SOBP: variants seen among roughly 807,000 people sequenced by gnomAD.
The protein encoded by SOBP is sine oculis-binding protein homolog.
In SOBP, 4 loss-of-function variants were observed where a neutral mutation model predicts 53.6. The ratio of observed to expected loss-of-function variants is 0.07; its 90% confidence interval spans 0.04 to 0.17. SOBP has a LOEUF of 0.17. SOBP is among the 10% of genes least tolerant of loss of function. SOBP has a pLI of 1.00. For missense variants in SOBP, 1,088 were observed against 1,204.7 expected (o/e 0.90, Z 1.43); for synonymous variants, 584 against 522.6 (o/e 1.12, Z -1.60).
chr6:107,564,028 T>C (rs1784847150), intron 4 of SOBP, among the ~76,000 whole-genome samples: 1 of 152,204 alleles, frequency 6.6e-6, no homozygotes, highest in East Asian at 1.9e-4. Context: ...CTAAGTTTCC[T>C]TCAAATCCTG....
At chr6:107,515,960 A>G (rs1157738794) in intron 3 of SOBP, among the ~76,000 whole-genome samples, 1 of 152,140 alleles carries the variant, frequency 6.6e-6, no homozygotes, top group Non-Finnish European at 1.5e-5. Flanking sequence ...GTTAAAGTAA[A>G]ACCATTAACA....
At chr6:107,584,970 A>G (rs1785521380) in intron 4 of SOBP, among the ~76,000 whole-genome samples, 1 of 152,242 alleles carries the variant, frequency 6.6e-6, no homozygotes, top group Non-Finnish European at 1.5e-5. Flanking sequence ...TTTATATACA[A>G]GATACATATA....
chr6:107,586,305 G>C (rs1785565085), intron 4 of SOBP, among the ~76,000 whole-genome samples: 1 of 152,186 alleles, frequency 6.6e-6, no homozygotes, highest in African/African-American at 2.4e-5. Flanking sequence ...CAAATGAATG[G>C]TTTAATGAGT....
At chr6:107,618,858 C>A (rs915282750) in intron 5 of SOBP, among the ~76,000 whole-genome samples, 1 of 152,162 alleles carries the variant, frequency 6.6e-6, no homozygotes, top group Non-Finnish European at 1.5e-5. Context: ...GGCTTGTGGG[C>A]TGCGTAGGGT....
At chr6:107,500,315 G>A (rs376709301) in intron 1 of SOBP, among the ~76,000 whole-genome samples, 1 of 151,244 alleles carries the variant, frequency 6.6e-6, no homozygotes. Context: ...CGGAGGTGGA[G>A]GTTGCAGTGA....
intron 6 of SOBP, among the ~76,000 whole-genome samples, chr6:107,638,195 T>TTTTTTTTA (rs1554191576): frequency 6.6e-6 from 1 of 150,938 alleles, no homozygotes; most frequent in African/African-American, 2.4e-5. Flanking sequence ...TCCTGGTTTG[T>TTTTTTTTA]TTTATTTATT....
rs11317552 is a variant in SOBP, at chr6:107,649,667, T to TAA, written c.*4-8527_*4-8526dup. On this transcript the variant is annotated intron_variant, in intron 6 of 6. Transcript: ENST00000317357. ...GAGCCATCTGCTATAGTGTGTTTGT[T>TAA]AAAAAAAAAAAAAAGAAGAAGAAAG... Among the ~76,000 whole-genome samples the TAA allele has an allele frequency of 2.2e-4, 30 of 139,206 alleles. 1 individual carries two copies. Among genetic ancestry groups the TAA allele is most frequent in the Middle Eastern group, 7.1e-3 (2 of 282 alleles). The allele number at this position is 139,206 out of a possible 152,430, so 91.3% of individuals were successfully genotyped here. A position where few individuals can be genotyped will look rare whatever the true frequency, so the allele number is the denominator to read the frequency against.
chr6:107,547,536 T>C (rs1226734364), intron 4 of SOBP, among the ~76,000 whole-genome samples: 1 of 152,212 alleles, frequency 6.6e-6, no homozygotes, highest in Non-Finnish European at 1.5e-5. Context: ...GTTTTTATTA[T>C]ACTGCAGGCT....
At chr6:107,556,404 C>G (rs1482744844) in intron 4 of SOBP, among the ~76,000 whole-genome samples, 5 of 152,208 alleles carry the variant, frequency 3.3e-5, no homozygotes, top group Admixed American at 3.3e-4. Context: ...CTTCTGTGCA[C>G]ACACACAAAT....
At chr6:107,602,921 A>G (rs1035207716) in intron 5 of SOBP, among the ~76,000 whole-genome samples, 3 of 151,954 alleles carry the variant, frequency 2.0e-5, no homozygotes, top group Non-Finnish European at 2.9e-5. Context: ...CTTCTTCACA[A>G]TATTCTTCTG....
chr6:107,628,860 A>G (rs1770578724), intron 5 of SOBP, among the ~76,000 whole-genome samples: 1 of 152,172 alleles, frequency 6.6e-6, no homozygotes, highest in African/African-American at 2.4e-5. Context: ...GCTGGGAGCA[A>G]GTGCTCAGGT....
At position 107,660,532 on chromosome 6, in the gene SOBP, G is replaced by C. The variant is rs1772252771; in HGVS notation, c.*2329G>C. On this transcript the variant is annotated 3_prime_UTR_variant, in exon 7 of 7. Coordinates refer to ENST00000317357, the MANE Select transcript of SOBP (RefSeq NM_018013.4). ...GAGGTTCAAGAAGCACCATCAAATG[G>C]AGGCAAACATGCTCCACGGGTTCCA... 6.6e-6 allele frequency among the ~76,000 whole-genome samples: 1 copy of C among 152,150 alleles called. No homozygotes were observed. Among genetic ancestry groups the C allele is most frequent in the South Asian group, 2.1e-4 (1 of 4,828 alleles).
At chr6:107,593,820 C>T (rs1785846277) in intron 5 of SOBP, among the ~76,000 whole-genome samples, 1 of 152,152 alleles carries the variant, frequency 6.6e-6, no homozygotes, top group Non-Finnish European at 1.5e-5. Flanking sequence ...CTTTATTCTT[C>T]AACTTGAGTC....
intron 6 of SOBP, among the ~76,000 whole-genome samples, chr6:107,656,093 T>C (rs1212404772): frequency 6.6e-6 from 1 of 152,118 alleles, no homozygotes; most frequent in Non-Finnish European, 1.5e-5. Flanking sequence ...CTTCCCTCCC[T>C]CCATAGCAAC....
intron 3 of SOBP, among the ~76,000 whole-genome samples, chr6:107,532,745 A>C (rs1415050875): frequency 2.0e-5 from 3 of 152,118 alleles, no homozygotes; most frequent in Non-Finnish European, 4.4e-5. Flanking sequence ...CCATCCCTCC[A>C]TCCAGGGCCC....
intron 4 of SOBP, 60 bp downstream of exon 4, chr6:107,533,670 T>C: frequency 1.2e-6 from 2 of 1,605,132 alleles, no homozygotes; most frequent in South Asian, 1.1e-5. Context: ...CACGCGCATG[T>C]GCCTCATAGC....
At chr6:107,559,218 G>A (rs991312281) in intron 4 of SOBP, among the ~76,000 whole-genome samples, 6 of 152,000 alleles carry the variant, frequency 3.9e-5, no homozygotes, top group Admixed American at 6.6e-5. Flanking sequence ...GCTTATAAAC[G>A]AGTAGATTTC....
At chr6:107,620,548 A>G (rs1286316395) in intron 5 of SOBP, among the ~76,000 whole-genome samples, 3 of 152,162 alleles carry the variant, frequency 2.0e-5, no homozygotes, top group African/African-American at 7.2e-5. Flanking sequence ...CACAGCAGAC[A>G]CCAGCATCTC....
chr6:107,539,528 C>G (rs541044258), intron 4 of SOBP, among the ~76,000 whole-genome samples: 1 of 152,178 alleles, frequency 6.6e-6, no homozygotes, highest in African/African-American at 2.4e-5. Context: ...TTTTTCTCAT[C>G]GGAACTGCCG....
Sources: gnomAD v4.1 joint callset for allele counts (sites outside exome capture counted in the v4.1 genomes callset) on GRCh38, gnomAD v4.1.1 for gene constraint, MANE v1.5 for transcripts, NCBI Gene and HGNC (gene_info 2026-07-23, HGNC 2026-07-21) for gene names.